SHISAL1: variants seen among roughly 807,000 people sequenced by gnomAD.
The protein encoded by SHISAL1 is shisa like 1, also known as protein shisa-like-1.
SHISAL1 carries 9 observed loss-of-function variants against 22.6 expected under a neutral mutation model. That is an observed-to-expected ratio of 0.40 (90% CI 0.24 to 0.70). SHISAL1 has a LOEUF of 0.70. Among genes scored for constraint, SHISAL1 ranks in the 30% least tolerant of loss-of-function variants. The pLI is 0.39. For missense variants in SHISAL1, 246 were observed against 270.6 expected (o/e 0.91, Z 0.64); for synonymous variants, 119 against 115.4 (o/e 1.03, Z -0.20).
At chr22:44,259,046 C>CCGTT (rs200009531) in intron 4 of SHISAL1, among the ~76,000 whole-genome samples, 3,291 of 152,258 alleles carry the variant, frequency 0.022, 121 homozygotes, top group African/African-American at 0.075. Flanking sequence ...AGGCTGAAAA[C>CCGTT]CTGAGAACAT....
intron 4 of SHISAL1, among the ~76,000 whole-genome samples, chr22:44,261,100 C>CATATATATATAT (rs1457689043): frequency 1.7e-5 from 2 of 117,826 alleles, no homozygotes; most frequent in Admixed American, 8.0e-5. Flanking sequence ...TATATATATA[C>CATATATATATAT]ACTATATGGA....
Position 44,294,703 on chromosome 22 carries a change from G to C in SHISAL1, c.281+1969C>G, listed in dbSNP as rs527617128. ...AAGTGGAATAATTGGAAACCTAAGA[G>C]AATCAACTGAAAAAAGAATAAGAAA... On this transcript the variant is annotated intron_variant, in intron 3 of 4. Transcript: ENST00000381176. Among the ~76,000 whole-genome samples, 6 of 152,192 alleles carry C rather than the reference G, an allele frequency of 3.9e-5. No individual in the cohort carries two copies. The South Asian group carries it at 1.2e-3, about 32-fold the overall frequency.
In SHISAL1 at chr22:44,296,794, G is replaced by C; in HGVS notation, c.159C>G (p.Asn53Lys). The C allele has an allele frequency of 6.2e-7, 1 of 1,614,070 alleles. No individual in the cohort carries two copies. Among genetic ancestry groups the C allele is most frequent in the South Asian group, 1.1e-5 (1 of 91,068 alleles). ...GGTGACAACAGAGGATGAAGGTCTTGTTGTCCGAGAGCCGGGGGCAGTGGA... is the reference window on the plus strand; with the variant it reads ...GGTGACAACAGAGGATGAAGGTCTTCTTGTCCGAGAGCCGGGGGCAGTGGA... ...FGFHCPRLSD[N>K]KTFILCCHHN... Residue 53 changes from asparagine to lysine, a missense_variant, in exon 3 of 5, where the codon AAC becomes AAG. By Grantham distance (94) the Asn-to-Lys change is moderately conservative (BLOSUM62 0). Coordinates refer to ENST00000381176, the MANE Select transcript of SHISAL1 (RefSeq NM_001099294.2).
intron 4 of SHISAL1, among the ~76,000 whole-genome samples, chr22:44,283,840 G>A (rs1377218336): frequency 6.6e-6 from 1 of 152,174 alleles, no homozygotes; most frequent in African/African-American, 2.4e-5. Context: ...AGTAGGCTCT[G>A]GGTCTTTAGT....
intron 1 of SHISAL1, among the ~76,000 whole-genome samples, chr22:44,304,006 C>T (rs533111254): frequency 2.0e-5 from 3 of 152,344 alleles, no homozygotes; most frequent in Admixed American, 2.0e-4. Context: ...CCAGACCACA[C>T]GTTTCTGAAA....
chr22:44,291,782 G>C (rs1023360470), intron 3 of SHISAL1, among the ~76,000 whole-genome samples: 3 of 152,000 alleles, frequency 2.0e-5, no homozygotes, highest in African/African-American at 7.2e-5. Flanking sequence ...TGTCCCCAGA[G>C]AGAACTGACC....
chr22:44,254,507 T>G (rs1417187336), intron 4 of SHISAL1, among the ~76,000 whole-genome samples: 1 of 152,104 alleles, frequency 6.6e-6, no homozygotes, highest in Non-Finnish European at 1.5e-5. Flanking sequence ...ACTACAGGTG[T>G]GCACCACCAC....
At chr22:44,281,388 G>A (rs2055275589) in intron 4 of SHISAL1, among the ~76,000 whole-genome samples, 1 of 152,078 alleles carries the variant, frequency 6.6e-6, no homozygotes, top group African/African-American at 2.4e-5. Flanking sequence ...TTGGTGGGAG[G>A]GCCTGGCTGG....
rs1430498137 is a variant in SHISAL1 at position 44,247,118 on chromosome 22, A to C, written c.*2567T>G. ...CTATTTGGCAGTGACCTTTGACCCC[A>C]GGTGTCCAGGAGAGGGAGGCAAGGC... On this transcript the variant is annotated 3_prime_UTR_variant, in exon 5 of 5. Coordinates refer to ENST00000381176, the MANE Select transcript of SHISAL1 (RefSeq NM_001099294.2). 3 of 152,614 alleles carry C rather than the reference A, an allele frequency of 2.0e-5. No homozygotes were observed. Among genetic ancestry groups the C allele is most frequent in the Non-Finnish European group, 4.4e-5 (3 of 68,370 alleles). The allele number at this position is 152,614 out of a possible 1,614,324, so 9.5% of individuals were successfully genotyped here. A position where few individuals can be genotyped will look rare whatever the true frequency, so the allele number is the denominator to read the frequency against.
At chr22:44,271,379 G>A (rs2055204687) in intron 4 of SHISAL1, among the ~76,000 whole-genome samples, 2 of 152,078 alleles carry the variant, frequency 1.3e-5, no homozygotes, top group South Asian at 4.1e-4. Context: ...CAGTTGACAA[G>A]TGCCCCTCTC....
chr22:44,330,083 T>C, the SHISAL1 span, among the ~76,000 whole-genome samples: 1 of 152,200 alleles, frequency 6.6e-6, no homozygotes, highest in African/African-American at 2.4e-5. Context: ...GAAAACACTT[T>C]AGACAATGCC....
At chr22:44,298,523 C>T (rs1005565499) in intron 2 of SHISAL1, among the ~76,000 whole-genome samples, 1 of 152,260 alleles carries the variant, frequency 6.6e-6, no homozygotes, top group Non-Finnish European at 1.5e-5. Context: ...CAGTTCCGGT[C>T]ACTGTCTGGG....
chr22:44,269,847 T>C (rs2055194580), intron 4 of SHISAL1, among the ~76,000 whole-genome samples: 1 of 152,182 alleles, frequency 6.6e-6, no homozygotes, highest in African/African-American at 2.4e-5. Context: ...TGGCGTCCCA[T>C]GGTGGTAACG....
chr22:44,327,616 C>T, the SHISAL1 span, among the ~76,000 whole-genome samples: 1 of 152,056 alleles, frequency 6.6e-6, no homozygotes, highest in Non-Finnish European at 1.5e-5. Flanking sequence ...GAGTCTCCTC[C>T]ACCTCCCTAG....
In SHISAL1 at chr22:44,249,623, G is replaced by C; in HGVS notation, c.*62C>G. ...CATCTCTGTAGAAGTTGTTCTTCTCGGAGGCTGCACCGGGTGCTTCAGATC... is the reference window on the plus strand; with the variant it reads ...CATCTCTGTAGAAGTTGTTCTTCTCCGAGGCTGCACCGGGTGCTTCAGATC... On this transcript the variant is annotated 3_prime_UTR_variant, in exon 5 of 5. Coordinates refer to ENST00000381176, the MANE Select transcript of SHISAL1 (RefSeq NM_001099294.2). The C allele has an allele frequency of 1.3e-6, 1 of 776,970 alleles. No homozygotes were observed. Among genetic ancestry groups the C allele is most frequent in the South Asian group, 1.3e-5 (1 of 74,340 alleles). 48.1% of individuals were successfully genotyped at this position (776,970 alleles called of 1,614,324 possible). A position where few individuals can be genotyped will look rare whatever the true frequency, so the allele number is the denominator to read the frequency against.
intron 4 of SHISAL1, among the ~76,000 whole-genome samples, chr22:44,261,204 T>G (rs2055122096): frequency 7.9e-6 from 1 of 125,892 alleles, no homozygotes; most frequent in Admixed American, 8.1e-5. Context: ...TTTTGACGCC[T>G]TAGCTGGGCC....
chr22:44,302,312 C>A (rs1204657196), intron 1 of SHISAL1, among the ~76,000 whole-genome samples: 1 of 141,310 alleles, frequency 7.1e-6, no homozygotes, highest in Non-Finnish European at 1.5e-5. Context: ...TGCACTCCAG[C>A]CTGGGCGACA....
At chr22:44,282,259 G>A (rs112347934) in intron 4 of SHISAL1, among the ~76,000 whole-genome samples, 4 of 152,212 alleles carry the variant, frequency 2.6e-5, no homozygotes, top group African/African-American at 9.6e-5. Context: ...CCCGCCCACC[G>A]TGGGCCCTCC....
At chr22:44,272,541 G>T (rs1293129992) in intron 4 of SHISAL1, among the ~76,000 whole-genome samples, 2 of 152,192 alleles carry the variant, frequency 1.3e-5, no homozygotes, top group Non-Finnish European at 2.9e-5. Context: ...CAACAAACAC[G>T]GATTGTTCCA....
Sources: gnomAD v4.1 joint callset for allele counts (sites outside exome capture counted in the v4.1 genomes callset) on GRCh38, gnomAD v4.1.1 for gene constraint, MANE v1.5 for transcripts, NCBI Gene and HGNC (gene_info 2026-07-23, HGNC 2026-07-21) for gene names.